ENTREP2: variants seen among roughly 807,000 people sequenced by gnomAD.
ENTREP2 encodes the protein endosomal transmembrane epsin interactor 2.
At chr15:29,494,149 A>C in the ENTREP2 span, among the ~76,000 whole-genome samples, 1 of 152,176 alleles carries the variant, frequency 6.6e-6, no homozygotes, top group African/African-American at 2.4e-5. Flanking sequence ...TACATATAAA[A>C]TTCAAAAACA....
At chr15:29,179,645 A>C in the ENTREP2 span, among the ~76,000 whole-genome samples, 12 of 147,338 alleles carry the variant, frequency 8.1e-5, no homozygotes, top group South Asian at 1.3e-3. Flanking sequence ...CAGTGGTGCG[A>C]TCTCAGCTCA....
chr15:29,141,947 A>C, the ENTREP2 span, among the ~76,000 whole-genome samples: 4 of 152,170 alleles, frequency 2.6e-5, no homozygotes, highest in Non-Finnish European at 4.4e-5. Context: ...GCCTGTGTTC[A>C]TTATGACTGT....
the ENTREP2 span, among the ~76,000 whole-genome samples, chr15:29,490,951 G>C: frequency 6.6e-6 from 1 of 152,208 alleles, no homozygotes; most frequent in Non-Finnish European, 1.5e-5. Flanking sequence ...GCTCAGGCAG[G>C]AGGCTCGGGC....
chr15:29,191,811 G>A, the ENTREP2 span, among the ~76,000 whole-genome samples: 1 of 151,988 alleles, frequency 6.6e-6, no homozygotes, highest in Non-Finnish European at 1.5e-5. Context: ...CTACTTGGGA[G>A]GCTAAGGTGG....
the ENTREP2 span, chr15:29,612,569 C>T: frequency 1.3e-5 from 2 of 153,660 alleles, no homozygotes; most frequent in Admixed American, 1.3e-4. Context: ...AAATGTTAAC[C>T]ATGGAGGAAA....
chr15:29,379,172 G>A, the ENTREP2 span, among the ~76,000 whole-genome samples: 1 of 152,216 alleles, frequency 6.6e-6, no homozygotes, highest in African/African-American at 2.4e-5. Context: ...AGGCTCTCCT[G>A]AATGGCTTGA....
the ENTREP2 span, among the ~76,000 whole-genome samples, chr15:29,284,725 G>A: frequency 6.6e-6 from 1 of 152,144 alleles, no homozygotes; most frequent in Non-Finnish European, 1.5e-5. Flanking sequence ...GATTGGACCT[G>A]CAGTCAGGAA....
chr15:29,204,664 G>A, the ENTREP2 span, among the ~76,000 whole-genome samples: 4 of 152,096 alleles, frequency 2.6e-5, no homozygotes, highest in Non-Finnish European at 5.9e-5. Flanking sequence ...GATTAGACAG[G>A]TAAAAATGCA....
the ENTREP2 span, chr15:29,609,662 TAATA>T: frequency 2.7e-5 from 4 of 150,016 alleles, 1 homozygote; most frequent in Non-Finnish European, 1.5e-5. Flanking sequence ...TATTACTAAT[TAATA>T]CTCAATCTAT....
chr15:29,224,135 G>C, the ENTREP2 span, among the ~76,000 whole-genome samples: 6 of 152,064 alleles, frequency 3.9e-5, no homozygotes, highest in Non-Finnish European at 8.8e-5. Context: ...CTTCCTTCTG[G>C]TGGGTTCGTG....
the ENTREP2 span, among the ~76,000 whole-genome samples, chr15:29,349,696 G>A: frequency 2.0e-5 from 3 of 152,026 alleles, no homozygotes; most frequent in African/African-American, 4.8e-5. Flanking sequence ...TCAGGAGTTC[G>A]AGACCAGCCT....
chr15:29,198,677 A>G, the ENTREP2 span, among the ~76,000 whole-genome samples: 1 of 152,252 alleles, frequency 6.6e-6, no homozygotes, highest in East Asian at 1.9e-4. Flanking sequence ...CCACCGGCCC[A>G]TGGCCATGTT....
chr15:29,581,637 T>C, the ENTREP2 span, among the ~76,000 whole-genome samples: 1 of 152,038 alleles, frequency 6.6e-6, no homozygotes, highest in East Asian at 1.9e-4. Flanking sequence ...AGAGTCAACA[T>C]AGTAAAGATG....
chr15:29,443,590 G>A, the ENTREP2 span, among the ~76,000 whole-genome samples: 68 of 152,188 alleles, frequency 4.5e-4, no homozygotes, highest in Non-Finnish European at 8.8e-4. Flanking sequence ...AGAAGTGTCC[G>A]AGGCAGAGCT....
the ENTREP2 span, chr15:29,267,271 C>G: frequency 3.3e-5 from 5 of 152,142 alleles, no homozygotes; most frequent in African/African-American, 4.8e-5. Flanking sequence ...TTTGCAGCAC[C>G]TCCCCCTAAA....
At chr15:29,615,218 C>G in the ENTREP2 span, among the ~76,000 whole-genome samples, 1 of 150,716 alleles carries the variant, frequency 6.6e-6, no homozygotes, top group African/African-American at 2.4e-5. Context: ...TGTAATGGTG[C>G]GATCTCAGCT....
the ENTREP2 span, among the ~76,000 whole-genome samples, chr15:29,663,555 C>T: frequency 1.8e-4 from 28 of 152,300 alleles, no homozygotes; most frequent in South Asian, 2.1e-4. Context: ...GATTTCATGT[C>T]CTTTGTAGGG....
chr15:29,283,074 T>A, the ENTREP2 span, among the ~76,000 whole-genome samples: 1 of 152,150 alleles, frequency 6.6e-6, no homozygotes, highest in Non-Finnish European at 1.5e-5. Flanking sequence ...GGTCAGGCAG[T>A]CTGGAGACAG....
chr15:29,633,827 C>T, the ENTREP2 span, among the ~76,000 whole-genome samples: 32 of 152,040 alleles, frequency 2.1e-4, no homozygotes, highest in Non-Finnish European at 3.8e-4. Context: ...GGCGTGGTGA[C>T]GGGTGCCTGT....
Sources: allele counts gnomAD v4.1 joint callset (sites outside exome capture counted in the v4.1 genomes callset), GRCh38; gene constraint gnomAD v4.1.1; transcripts MANE v1.5; gene names NCBI Gene and HGNC (gene_info 2026-07-23, HGNC 2026-07-21).